USP39: variants seen among roughly 807,000 people sequenced by gnomAD.
USP39 encodes the protein ubiquitin specific peptidase 39.
USP39 carries 38 observed loss-of-function variants against 66.4 expected under a neutral mutation model. That is an observed-to-expected ratio of 0.57 (90% CI 0.44 to 0.75). USP39 has a LOEUF of 0.75. USP39 is among the 30% of genes least tolerant of loss of function. The pLI, the probability that USP39 is intolerant of heterozygous loss-of-function variation, is 0.00. For missense variants in USP39, 608 were observed against 714.4 expected (o/e 0.85, Z 1.70); for synonymous variants, 303 against 274.6 (o/e 1.10, Z -1.02).
At chr2:85,604,560 CAAG>C (rs1292164092) in intron 1 of USP39, among the ~76,000 whole-genome samples, 1 of 152,084 alleles carries the variant, frequency 6.6e-6, no homozygotes, top group Admixed American at 6.5e-5. Flanking sequence ...AAAACAGGGC[CAAG>C]AAGTATGGCT....
chr2:85,633,418 C>T (rs148707923), intron 6 of USP39, among the ~76,000 whole-genome samples: 132 of 152,252 alleles, frequency 8.7e-4, no homozygotes, highest in African/African-American at 2.8e-3. Flanking sequence ...CCACCATGCC[C>T]GGCCTCATTG....
intron 2 of USP39, among the ~76,000 whole-genome samples, chr2:85,619,661 C>T (rs1674296964): frequency 4.0e-5 from 6 of 151,494 alleles, no homozygotes; most frequent in Admixed American, 1.3e-4. Context: ...TCATAGCATT[C>T]TTTTCTCTGA....
At chr2:85,646,393 A>G (rs1676650645) in intron 11 of USP39, among the ~76,000 whole-genome samples, 2 of 152,280 alleles carry the variant, frequency 1.3e-5, no homozygotes, top group South Asian at 2.1e-4. Context: ...ATGTACATTA[A>G]TCTCATTTCT....
chr2:85,609,729 T>C, upstream of USP39: 1 of 1,073,538 alleles, frequency 9.3e-7, no homozygotes, highest in Non-Finnish European at 1.3e-6. Flanking sequence ...TCGCCCAGGC[T>C]GGAGTGCAGT....
chr2:85,616,085 G>A (rs1299114157), upstream of USP39: 43 of 1,313,808 alleles, frequency 3.3e-5, no homozygotes, highest in South Asian at 9.2e-4. Flanking sequence ...GTCCCCAGTG[G>A]CGACTCGTAG....
chr2:85,617,493 A>G (rs1426854254), intron 1 of USP39, among the ~76,000 whole-genome samples: 1 of 152,170 alleles, frequency 6.6e-6, no homozygotes, highest in Non-Finnish European at 1.5e-5. Flanking sequence ...CTTGGAAGAT[A>G]GAAATGGTGT....
chr2:85,633,194 C>T (rs1044974061), intron 6 of USP39, among the ~76,000 whole-genome samples: 1 of 149,554 alleles, frequency 6.7e-6, no homozygotes, highest in African/African-American at 2.5e-5. Context: ...GATCTCGGCT[C>T]ACTGCAACCT....
chr2:85,640,619 ATT>A (rs1423006715), intron 9 of USP39, among the ~76,000 whole-genome samples: 13,164 of 123,176 alleles, frequency 0.11, 652 homozygotes, highest in Middle Eastern at 0.15. Context: ...ATATATATAT[ATT>A]TTTTTTTTCT....
intron 2 of USP39, chr2:85,621,235 A>G: frequency 2.8e-6 from 1 of 362,036 alleles, no homozygotes. Context: ...AAAGTCCTGA[A>G]CTGGTTACAA....
chr2:85,627,324 T>C (rs997028896), intron 5 of USP39, among the ~76,000 whole-genome samples: 2 of 152,176 alleles, frequency 1.3e-5, no homozygotes, highest in African/African-American at 4.8e-5. Context: ...CTTGAACTCC[T>C]GACCTCGTGG....
intron 8 of USP39, among the ~76,000 whole-genome samples, chr2:85,638,560 C>T (rs545975738): frequency 4.0e-5 from 6 of 151,578 alleles, no homozygotes; most frequent in Non-Finnish European, 7.4e-5. Context: ...TTTATTGAGA[C>T]GGAGTTTCAC....
intron 7 of USP39, 146 bp downstream of exon 7, chr2:85,636,276 T>G: frequency 2.9e-6 from 2 of 683,148 alleles, no homozygotes; most frequent in Non-Finnish European, 4.9e-6. Flanking sequence ...GAGACCGGCC[T>G]GGCCAACATG....
intron 10 of USP39, among the ~76,000 whole-genome samples, chr2:85,642,715 AT>A (rs1676330804): frequency 6.6e-6 from 1 of 152,168 alleles, no homozygotes; most frequent in Admixed American, 6.6e-5. Context: ...ATTCTGGATC[AT>A]TTCATTGTCC....
intron 5 of USP39, 60 bp downstream of exon 5, chr2:85,625,751 G>T: frequency 6.3e-7 from 1 of 1,580,010 alleles, no homozygotes; most frequent in Admixed American, 1.7e-5. Flanking sequence ...GAGCACAGTG[G>T]CTCACCCCTG....
rs771302010 is a variant in USP39 at position 85,616,447 on chromosome 2, T to C, written c.252T>C (p.Pro84=). The C allele has an allele frequency of 6.4e-7, 1 of 1,558,192 alleles. No individual in the cohort carries two copies. Among genetic ancestry groups the C allele is most frequent in the Non-Finnish European group, 8.7e-7 (1 of 1,147,078 alleles). The change falls in exon 1 of 13, where the codon CCT becomes CCC. Residue 84 remains proline, a synonymous_variant. Coordinates refer to ENST00000323701, the MANE Select transcript of USP39 (RefSeq NM_006590.4). ...GCGAGGTCGATGAGGACTCGGAGCC[T>C]GAGCGGGAGGTGCGAGGTGCGCGGG... The part of the protein sequence containing the change: ...REREVDEDSE[P]EREVRAKNGR...
intron 5 of USP39, among the ~76,000 whole-genome samples, chr2:85,627,861 A>T (rs778547364): frequency 6.6e-6 from 1 of 151,678 alleles, no homozygotes; most frequent in Non-Finnish European, 1.5e-5. Context: ...GGCCTTACAG[A>T]CTCCTTTCCT....
chr2:85,631,251 G>C (rs886088411), intron 6 of USP39, among the ~76,000 whole-genome samples: 1 of 150,678 alleles, frequency 6.6e-6, no homozygotes, highest in Non-Finnish European at 1.5e-5. Flanking sequence ...CTGACCTCTT[G>C]ATCCACCCTA....
rs1673926448 is a variant in USP39 at position 85,616,243 on chromosome 2, G to A, written c.48G>A (p.Lys16=). 2.0e-6 allele frequency: 3 copies of A among 1,497,520 alleles called. No individual in the cohort carries two copies. The highest frequency in any genetic ancestry group is 4.4e-5 in the Admixed American group (2 of 45,118). The allele number at this position is 1,497,520 out of a possible 1,614,324, so 92.8% of individuals were successfully genotyped here. ...KRESRGSTRG[K]RESESRGSSG... ...AGTCTCGCGGTTCCACTCGCGGGAA[G>A]CGAGAGTCTGAGTCGCGGGGCAGCT... Residue 16 remains lysine (K), a synonymous_variant, in exon 1 of 13, where the codon AAG becomes AAA. Coordinates refer to ENST00000323701, the MANE Select transcript of USP39 (RefSeq NM_006590.4).
chr2:85,624,649 T>C (rs928201614), intron 4 of USP39, among the ~76,000 whole-genome samples: 5 of 152,212 alleles, frequency 3.3e-5, no homozygotes, highest in Non-Finnish European at 7.3e-5. Context: ...ATAAGCCTAT[T>C]ATTAATAGTT....
Sources: allele counts gnomAD v4.1 joint callset (sites outside exome capture counted in the v4.1 genomes callset), GRCh38; gene constraint gnomAD v4.1.1; transcripts MANE v1.5; gene names NCBI Gene and HGNC (gene_info 2026-07-23, HGNC 2026-07-21).